DAPK1: variants seen among roughly 807,000 people sequenced by gnomAD.
DAPK1 encodes death-associated protein kinase 1.
A neutral mutation model predicts 144.9 loss-of-function variants in DAPK1; 56 were observed. The observed-to-expected ratio is 0.39, with a 90% CI of 0.31 to 0.48. DAPK1 has a LOEUF of 0.48. Among genes scored for constraint, DAPK1 ranks in the 20% least tolerant of loss-of-function variants. The pLI is 0.95. For synonymous variants in DAPK1, 690 were observed against 749.0 expected (o/e 0.92, Z 1.29); for missense variants, 1,454 against 1,875.4 (o/e 0.78, Z 4.15).
At chr9:87,676,662 G>A (rs190620389) in intron 19 of DAPK1, among the ~76,000 whole-genome samples, 6 of 152,264 alleles carry the variant, frequency 3.9e-5, no homozygotes, top group African/African-American at 1.4e-4. Context: ...GGTGAAGGGT[G>A]AGTGGGCACA....
chr9:87,692,810 C>T (rs1825107898), intron 21 of DAPK1, among the ~76,000 whole-genome samples: 1 of 152,074 alleles, frequency 6.6e-6, no homozygotes, highest in Non-Finnish European at 1.5e-5. Context: ...TGAAGCATAA[C>T]TTTGCTGTCT....
At chr9:87,603,512 C>T (rs2118951774) in intron 2 of DAPK1, among the ~76,000 whole-genome samples, 1 of 152,362 alleles carries the variant, frequency 6.6e-6, no homozygotes, top group South Asian at 2.1e-4. Flanking sequence ...GTTCCTTCTT[C>T]ACTGGCCTCC....
intron 18 of DAPK1, among the ~76,000 whole-genome samples, chr9:87,665,937 T>C (rs554463409): frequency 6.6e-6 from 1 of 152,298 alleles, no homozygotes; most frequent in Admixed American, 6.5e-5. Context: ...ATCTTTTCAA[T>C]GCATGCACTT....
chr9:87,619,354 A>G (rs1829211647), intron 3 of DAPK1, among the ~76,000 whole-genome samples: 2 of 152,220 alleles, frequency 1.3e-5, no homozygotes, highest in Middle Eastern at 3.4e-3. Context: ...TTCTGTGCCA[A>G]CCTTGTAGGA....
rs2068771 is a variant in DAPK1, at chr9:87,640,255, G to A, written c.630-43G>A. 865 of 1,584,376 alleles carry A rather than the reference G, an allele frequency of 5.5e-4. 3 individuals carry two copies. In the African/African-American group the frequency reaches 0.01, roughly 18 times the overall value. ...TATAGGAGCAAAATGACAACACCAA[G>A]GGGTCATCATTAATGTTCTATGCCC... On this transcript the variant is annotated intron_variant, in intron 7 of 25. Coordinates refer to ENST00000408954, the MANE Select transcript of DAPK1 (RefSeq NM_004938.4).
At chr9:87,624,879 A>G (rs1829436273) in intron 3 of DAPK1, among the ~76,000 whole-genome samples, 2 of 152,276 alleles carry the variant, frequency 1.3e-5, no homozygotes, top group South Asian at 4.1e-4. Flanking sequence ...AGAAGAAAAC[A>G]CCCAGGGAGC....
intron 2 of DAPK1, among the ~76,000 whole-genome samples, chr9:87,512,952 G>A (rs1824906198): frequency 6.6e-6 from 1 of 152,186 alleles, no homozygotes; most frequent in Non-Finnish European, 1.5e-5. Flanking sequence ...TGGCCGAGAG[G>A]CTGCTTTCTT....
intron 2 of DAPK1, among the ~76,000 whole-genome samples, chr9:87,578,731 C>T (rs147141720): frequency 1.2e-3 from 189 of 152,350 alleles, no homozygotes; most frequent in African/African-American, 4.4e-3. Context: ...TGCCCTTGAC[C>T]TCTAGCAGCT....
At chr9:87,517,859 TCCCAGTGTC>T (rs1163070464) in intron 2 of DAPK1, among the ~76,000 whole-genome samples, 1 of 152,134 alleles carries the variant, frequency 6.6e-6, no homozygotes. Context: ...TGTTAGCTTG[TCCCAGTGTC>T]ATATTTTTAG....
intron 2 of DAPK1, among the ~76,000 whole-genome samples, chr9:87,570,511 TTTCATTA>T (rs1827291503): frequency 1.3e-5 from 2 of 152,180 alleles, no homozygotes; most frequent in South Asian, 4.1e-4. Context: ...TTCCCATTCT[TTTCATTA>T]TTTTGTATGT....
At chr9:87,642,121 C>A in intron 10 of DAPK1, 63 bp downstream of exon 10, 1 of 1,311,916 alleles carries the variant, frequency 7.6e-7, no homozygotes, top group Non-Finnish European at 1.1e-6. Context: ...AGTGTGTGGT[C>A]AGGGTGCATC....
intron 2 of DAPK1, among the ~76,000 whole-genome samples, chr9:87,554,741 G>A (rs918225576): frequency 4.6e-5 from 7 of 152,210 alleles, no homozygotes; most frequent in Admixed American, 2.0e-4. Flanking sequence ...AGCTGGCCTC[G>A]GCCTGACTGC....
intron 2 of DAPK1, among the ~76,000 whole-genome samples, chr9:87,577,535 C>A (rs111894552): frequency 2.0e-5 from 3 of 152,172 alleles, no homozygotes; most frequent in Non-Finnish European, 2.9e-5. Context: ...CAGTGGCTCA[C>A]GCTTGTAATC....
intron 18 of DAPK1, chr9:87,668,387 G>T (rs974892812): frequency 1.8e-6 from 1 of 562,202 alleles, no homozygotes; most frequent in Non-Finnish European, 3.2e-6. Context: ...CATGTGCTTT[G>T]TTCCTGCGTC....
intron 10 of DAPK1, among the ~76,000 whole-genome samples, chr9:87,643,112 A>C (rs1057027265): frequency 3.3e-5 from 5 of 152,182 alleles, no homozygotes; most frequent in African/African-American, 1.2e-4. Context: ...TCTGTAGTTC[A>C]ATAATGAAAC....
At chr9:87,599,369 A>G (rs1828431988) in intron 2 of DAPK1, among the ~76,000 whole-genome samples, 1 of 152,242 alleles carries the variant, frequency 6.6e-6, no homozygotes, top group Non-Finnish European at 1.5e-5. Context: ...TCCTGGTTAC[A>G]GTTTCTTCAG....
chr9:87,645,637 A>T (rs145255625), intron 11 of DAPK1, among the ~76,000 whole-genome samples: 66 of 152,318 alleles, frequency 4.3e-4, no homozygotes, highest in Non-Finnish European at 9.0e-4. Context: ...TGAAATCTGG[A>T]TCTTGGACAT....
chr9:87,568,204 A>G (rs1827202450), intron 2 of DAPK1, among the ~76,000 whole-genome samples: 1 of 152,256 alleles, frequency 6.6e-6, no homozygotes, highest in Non-Finnish European at 1.5e-5. Flanking sequence ...CTGAAGGGGC[A>G]GTCGCTATGC....
Position 87,499,104 on chromosome 9 carries a change from G to A in DAPK1, c.27G>A (p.Val9=). The stretch of plus-strand genomic sequence containing the variant: ...TGACCGTGTTCAGGCAGGAAAACGT[G>A]GATGATTACTACGACACCGGCGAGG... MTVFRQEN[V]DDYYDTGEEL... is the part of the protein sequence containing the mutation. The change falls in exon 2 of 26, where the codon GTG becomes GTA. Residue 9 remains valine, a synonymous_variant. Transcript: ENST00000408954. 1 of 1,614,112 alleles carries A rather than the reference G, an allele frequency of 6.2e-7. No individual in the cohort carries two copies.
Sources: gnomAD v4.1 joint callset for allele counts (sites outside exome capture counted in the v4.1 genomes callset) on GRCh38, gnomAD v4.1.1 for gene constraint, MANE v1.5 for transcripts, NCBI Gene and HGNC (gene_info 2026-07-23, HGNC 2026-07-21) for gene names.